Variants in ZCWPW2 observed in about 807,000 individuals in gnomAD.
ZCWPW2 encodes the protein zinc finger CW-type PWWP domain protein 2.
In ZCWPW2, 45 loss-of-function variants were observed where a neutral mutation model predicts 46.6. The observed-to-expected ratio is 0.96, with a 90% confidence interval of 0.76 to 1.24. ZCWPW2 has a LOEUF of 1.24. Ranked by LOEUF, ZCWPW2 falls within the 50% of genes most tolerant of loss-of-function variation. ZCWPW2 has a pLI of 0.00. For missense variants in ZCWPW2, 429 were observed against 403.9 expected (o/e 1.06, Z -0.53); for synonymous variants, 152 against 137.1 (o/e 1.11, Z -0.76).
chr3:28,373,768 C>G (rs1348592088), intron 1 of ZCWPW2, among the ~76,000 whole-genome samples: 1 of 152,128 alleles, frequency 6.6e-6, no homozygotes, highest in Admixed American at 6.6e-5. Context: ...ACCCACCGCA[C>G]CTGGCTCCAT....
chr3:28,385,270 C>T (rs560630624), intron 1 of ZCWPW2, among the ~76,000 whole-genome samples: 2 of 152,232 alleles, frequency 1.3e-5, no homozygotes, highest in East Asian at 3.9e-4. Context: ...GTCTCTGTGA[C>T]ACCATCCCAC....
intron 6 of ZCWPW2, among the ~76,000 whole-genome samples, chr3:28,505,295 T>C (rs1418605654): frequency 1.3e-5 from 2 of 152,178 alleles, no homozygotes; most frequent in Admixed American, 1.3e-4. Flanking sequence ...AAGATATTTA[T>C]AAGTCTTATT....
At chr3:28,381,776 C>G (rs1300614134) in intron 1 of ZCWPW2, among the ~76,000 whole-genome samples, 4 of 151,874 alleles carry the variant, frequency 2.6e-5, no homozygotes, top group Non-Finnish European at 5.9e-5. Flanking sequence ...ACAGAGAGAA[C>G]CCTTATCTCA....
intron 8 of ZCWPW2, 120 bp downstream of exon 8, chr3:28,515,741 GTGTGTATACACA>G (rs2125834893): frequency 1.9e-4 from 147 of 763,314 alleles, no homozygotes; most frequent in Non-Finnish European, 2.6e-4. Flanking sequence ...GTGTGTGTGT[GTGTGTATACACA>G]TATATACATG....
At chr3:28,500,442 T>C (rs567529134) in intron 6 of ZCWPW2, among the ~76,000 whole-genome samples, 4 of 152,266 alleles carry the variant, frequency 2.6e-5, no homozygotes, top group East Asian at 1.9e-4. Context: ...GGATCTGTTT[T>C]TTAATTTTTT....
At chr3:28,441,149 G>A (rs147325832) in intron 4 of ZCWPW2, among the ~76,000 whole-genome samples, 142 of 152,208 alleles carry the variant, frequency 9.3e-4, no homozygotes, top group African/African-American at 3.1e-3. Flanking sequence ...CACAGAACAG[G>A]GTCATCCTAT....
At chr3:28,363,580 A>G (rs1705017881) in intron 1 of ZCWPW2, among the ~76,000 whole-genome samples, 1 of 152,028 alleles carries the variant, frequency 6.6e-6, no homozygotes, top group Non-Finnish European at 1.5e-5. Context: ...CTGGCCTTGG[A>G]ATGTACTTTT....
At chr3:28,360,505 A>C (rs1043093295) in intron 1 of ZCWPW2, among the ~76,000 whole-genome samples, 11 of 150,612 alleles carry the variant, frequency 7.3e-5, no homozygotes, top group African/African-American at 2.7e-4. Flanking sequence ...CCTGGGTGAC[A>C]GAGCAAGACT....
At chr3:28,475,591 G>C (rs1028281814) in intron 4 of ZCWPW2, among the ~76,000 whole-genome samples, 1 of 152,184 alleles carries the variant, frequency 6.6e-6, no homozygotes, top group Non-Finnish European at 1.5e-5. Flanking sequence ...AGGCCTTGAT[G>C]ATGTGGCCCT....
At chr3:28,465,797 A>G (rs1559515661) in intron 4 of ZCWPW2, among the ~76,000 whole-genome samples, 1 of 152,204 alleles carries the variant, frequency 6.6e-6, no homozygotes, top group Non-Finnish European at 1.5e-5. Context: ...TATAAACAAT[A>G]GGAAAAAACG....
At chr3:28,377,231 C>A (rs770118924) in intron 1 of ZCWPW2, among the ~76,000 whole-genome samples, 101 of 152,016 alleles carry the variant, frequency 6.6e-4, no homozygotes, top group Non-Finnish European at 1.4e-3. Flanking sequence ...ATTTTTGCAT[C>A]ATGCAATTTA....
intron 4 of ZCWPW2, among the ~76,000 whole-genome samples, chr3:28,453,900 A>G (rs2125782241): frequency 6.7e-6 from 1 of 149,092 alleles, no homozygotes; most frequent in East Asian, 2.0e-4. Context: ...GCTGGAGTGC[A>G]GTGGCGCGAT....
intron 4 of ZCWPW2, among the ~76,000 whole-genome samples, chr3:28,464,503 C>T (rs1019862139): frequency 3.9e-5 from 6 of 151,956 alleles, no homozygotes; most frequent in Non-Finnish European, 7.4e-5. Flanking sequence ...TCTAACAACC[C>T]GCAAAGCACA....
intron 1 of ZCWPW2, among the ~76,000 whole-genome samples, chr3:28,362,312 A>T (rs915282449): frequency 2.2e-5 from 2 of 92,674 alleles, no homozygotes; most frequent in Non-Finnish European, 5.8e-5. Context: ...TTATATTATT[A>T]AAAAAATAGT....
chr3:28,446,952 CA>C (rs1698017954), intron 4 of ZCWPW2, among the ~76,000 whole-genome samples: 1 of 152,024 alleles, frequency 6.6e-6, no homozygotes, highest in Non-Finnish European at 1.5e-5. Flanking sequence ...CAGAATCTAG[CA>C]AAACTAAAGC....
intron 9 of ZCWPW2, 145 bp from the exon 10 acceptor site, chr3:28,524,382 C>A: frequency 2.7e-6 from 2 of 744,450 alleles, no homozygotes; most frequent in Admixed American, 3.0e-5. Flanking sequence ...CTGCATTATA[C>A]TATATATAGT....
At chr3:28,399,615 C>A (rs1267554947) in intron 2 of ZCWPW2, among the ~76,000 whole-genome samples, 1 of 152,192 alleles carries the variant, frequency 6.6e-6, no homozygotes, top group Non-Finnish European at 1.5e-5. Context: ...GGATTCTGTG[C>A]AGACAACCCC....
Position 28,435,120 on chromosome 3 carries a change from A to G in ZCWPW2, c.343A>G (p.Ile115Val), listed in dbSNP as rs1281024326. The G allele has an allele frequency of 6.2e-6, 10 of 1,606,992 alleles. No homozygotes were observed. The highest frequency in any genetic ancestry group is 7.6e-6 in the Non-Finnish European group (9 of 1,178,572). The stretch of plus-strand genomic sequence containing the variant: ...ATTTTCTTTTGAAAGTTGGCCAGGA[A>G]TACTTTGCCCTGACCGTTTTAAAGG... ...KLQNWPSWPG[I>V]LCPDRFKGKY... The change falls in exon 4 of 10, where the codon ATA (isoleucine) becomes GTA (valine). Residue 115 changes from isoleucine (I) to valine (V), a missense_variant. Physicochemically the swap from Ile to Val is conservative, Grantham distance 29 (BLOSUM62 3). Transcript: ENST00000383768.
At chr3:28,494,332 G>A (rs1205093099) in intron 6 of ZCWPW2, among the ~76,000 whole-genome samples, 9 of 105,204 alleles carry the variant, frequency 8.6e-5, no homozygotes, top group Non-Finnish European at 7.7e-5. Context: ...TTTGTATAAG[G>A]TGTAAGGAAG....
Sources: gnomAD v4.1 joint callset for allele counts (sites outside exome capture counted in the v4.1 genomes callset) on GRCh38, gnomAD v4.1.1 for gene constraint, MANE v1.5 for transcripts, NCBI Gene and HGNC (gene_info 2026-07-23, HGNC 2026-07-21) for gene names.